The following HBP1 variants were observed in gnomAD, a reference collection of about 807,000 sequenced individuals.
The protein encoded by HBP1 is HMG-box transcription factor 1.
HBP1 carries 20 observed loss-of-function variants against 62.6 expected under a neutral mutation model. The observed-to-expected ratio is 0.32, with a 90% CI of 0.22 to 0.46. The LOEUF is 0.46. Among genes scored for constraint, HBP1 ranks in the 20% least tolerant of loss-of-function variants. The pLI is 1.00. For missense variants in HBP1, 480 were observed against 611.8 expected (o/e 0.78, Z 2.27); for synonymous variants, 232 against 206.2 (o/e 1.12, Z -1.07).
Position 107,196,093 on chromosome 7 carries a change from CT to C in HBP1, c.1332del (p.Phe444LeufsTer21). On this transcript the variant is annotated frameshift_variant, in exon 9 of 11. Coordinates refer to ENST00000222574, the MANE Select transcript of HBP1 (RefSeq NM_012257.4). LOFTEE classifies it high-confidence loss of function. The part of the protein sequence containing the change: ...KCKRPMNAFM[L>X]FAKKYRVEYT... ...CAAAAGACCAATGAATGCCTTCATG[CT>C]TTTTGCCAAAAAATACAGAGTTGAA... 6.2e-7 allele frequency: 1 copy of C among 1,612,686 alleles called. No homozygotes were observed. The highest frequency in any genetic ancestry group is 8.5e-7 in the Non-Finnish European group (1 of 1,178,724).
At chr7:107,193,280 T>A (rs936937594) in intron 8 of HBP1, 1 of 152,188 alleles carries the variant, frequency 6.6e-6, no homozygotes, top group Non-Finnish European at 1.5e-5. Context: ...ACCCTATTTG[T>A]AGATTATATC....
Position 107,201,409 on chromosome 7 carries a change from C to A in HBP1, c.1528-5C>A. The stretch of plus-strand genomic sequence containing the variant: ...CATTCACTGAGTTTAATTTTATTTC[C>A]ACAGGGCTCACAACAACATTAAACC... On this transcript the variant is annotated splice_region_variant and splice_polypyrimidine_tract_variant and intron_variant, in intron 10 of 10. Coordinates refer to ENST00000222574, the MANE Select transcript of HBP1 (RefSeq NM_012257.4). 1.3e-6 allele frequency: 2 copies of A among 1,565,356 alleles called. No individual in the cohort carries two copies. Among genetic ancestry groups the A allele is most frequent in the South Asian group, 2.2e-5 (2 of 89,418 alleles).
At chr7:107,186,154 T>TC (rs1797353589) in intron 4 of HBP1, among the ~76,000 whole-genome samples, 2 of 143,690 alleles carry the variant, frequency 1.4e-5, no homozygotes, top group African/African-American at 5.3e-5. Flanking sequence ...TGTCTTTTTT[T>TC]TCTTTTTTTT....
chr7:107,186,357 A>G lies in HBP1; in HGVS notation c.541-4A>G, dbSNP rs1232687518. The G allele has an allele frequency of 2.0e-6, 3 of 1,533,386 alleles. No individual in the cohort carries two copies. Among genetic ancestry groups the G allele is most frequent in the African/African-American group, 2.8e-5 (2 of 72,188 alleles). The allele number at this position is 1,533,386 out of a possible 1,614,324, so 95.0% of individuals were successfully genotyped here. Reference sequence around the variant, plus strand: ...AAAAAAGTTGATAATATTTTTCTCCATAGGCAAATAGTGAGTCAGAATCTG... The same window carrying G: ...AAAAAAGTTGATAATATTTTTCTCCGTAGGCAAATAGTGAGTCAGAATCTG... On this transcript the variant is annotated splice_polypyrimidine_tract_variant and splice_region_variant and intron_variant, in intron 4 of 10. Coordinates refer to ENST00000222574, the MANE Select transcript of HBP1 (RefSeq NM_012257.4).
rs963372066 is a variant in HBP1, at chr7:107,181,945, A to G, written c.170-428A>G. 2.6e-5 allele frequency among the ~76,000 whole-genome samples: 4 copies of G among 152,212 alleles called. No homozygotes were observed. The South Asian group carries it at 6.2e-4, about 24-fold the overall frequency. ...ACCAGTAAATATTAACAAGTTCAGA[A>G]TTTATTAGTAAAAAGAAATACTTTA... is the stretch of plus-strand genomic sequence containing the variant. On this transcript the variant is annotated intron_variant, in intron 2 of 10. Coordinates refer to ENST00000222574, the MANE Select transcript of HBP1 (RefSeq NM_012257.4).
chr7:107,185,563 G>C (rs747918149), intron 3 of HBP1, among the ~76,000 whole-genome samples: 12 of 152,154 alleles, frequency 7.9e-5, no homozygotes, highest in Non-Finnish European at 2.9e-5. Flanking sequence ...AACCATAGTC[G>C]TAGTTTAAAA....
rs964077893 is a variant in HBP1, at chr7:107,186,811, T to C, written c.765+130T>C. 7.0e-5 allele frequency: 44 copies of C among 629,722 alleles called. No individual in the cohort carries two copies. The African/African-American group carries it at 7.2e-4, about 10-fold the overall frequency. 39.0% of individuals were successfully genotyped at this position (629,722 alleles called of 1,614,324 possible). A position where few individuals can be genotyped will look rare whatever the true frequency, so the allele number is the denominator to read the frequency against. On this transcript the variant is annotated intron_variant, in intron 6 of 10. Coordinates refer to ENST00000222574, the MANE Select transcript of HBP1 (RefSeq NM_012257.4). ...CATCGTACATTTTAGGTAGAGCATTTTTATGACCACTCATTGCTTAGTCTG... is the reference window on the plus strand; with the variant it reads ...CATCGTACATTTTAGGTAGAGCATTCTTATGACCACTCATTGCTTAGTCTG...
chr7:107,186,793 C>T (rs768046596), intron 6 of HBP1, 112 bp downstream of exon 6: 8 of 666,118 alleles, frequency 1.2e-5, no homozygotes, highest in East Asian at 8.1e-5. Context: ...TGACATCGTA[C>T]ATTTTAGGTA....
chr7:107,175,547 A>G (rs773824885), intron 1 of HBP1, among the ~76,000 whole-genome samples: 1 of 151,500 alleles, frequency 6.6e-6, no homozygotes, highest in Non-Finnish European at 1.5e-5. Context: ...CTACCTTTCC[A>G]TATAGTAGTA....
intron 1 of HBP1, among the ~76,000 whole-genome samples, chr7:107,177,491 G>T (rs555219372): frequency 1.3e-5 from 2 of 152,304 alleles, no homozygotes; most frequent in African/African-American, 4.8e-5. Context: ...CAAGAACGCT[G>T]TATCTAGCAA....
rs1401180827 is a variant in HBP1, at chr7:107,169,009, G to T, written c.-192G>T. 4.7e-6 allele frequency: 6 copies of T among 1,289,014 alleles called. No individual in the cohort carries two copies. Among genetic ancestry groups the T allele is most frequent in the Non-Finnish European group, 5.1e-6 (5 of 988,530 alleles). 79.8% of individuals were successfully genotyped at this position (1,289,014 alleles called of 1,614,324 possible). On this transcript the variant is annotated 5_prime_UTR_variant, in exon 1 of 11. Transcript: ENST00000222574. ...GGGGAAGACGAAGCTTGAAAGACTTGGTAATGGCGACGGGTTTGGTAAGTA... is the reference window on the plus strand; with the variant it reads ...GGGGAAGACGAAGCTTGAAAGACTTTGTAATGGCGACGGGTTTGGTAAGTA...
Position 107,200,305 on chromosome 7 carries a change from T to C in HBP1, c.1527+4T>C. 4 of 1,609,426 alleles carry C rather than the reference T, an allele frequency of 2.5e-6. No homozygotes were observed. Among genetic ancestry groups the C allele is most frequent in the Middle Eastern group, 1.7e-4 (1 of 6,042 alleles). ...GAAGAGGAAAAGAACCAATTCAGTA[T>C]GTTTCAATAAATAGTGTTTAAAATT... On this transcript the variant is annotated splice_donor_region_variant and intron_variant, in intron 10 of 10. Transcript: ENST00000222574.
chr7:107,185,213 C>T (rs1797295233), intron 3 of HBP1, among the ~76,000 whole-genome samples: 1 of 151,916 alleles, frequency 6.6e-6, no homozygotes, highest in South Asian at 2.1e-4. Context: ...ATAACTAGAC[C>T]TTATATGTAG....
chr7:107,182,863 T>G (rs1346517641), intron 3 of HBP1, among the ~76,000 whole-genome samples: 1 of 152,142 alleles, frequency 6.6e-6, no homozygotes, highest in Non-Finnish European at 1.5e-5. Flanking sequence ...CATGAAATAC[T>G]TTTACTATAC....
At chr7:107,181,966 C>CT (rs933431005) in intron 2 of HBP1, among the ~76,000 whole-genome samples, 2 of 151,930 alleles carry the variant, frequency 1.3e-5, no homozygotes, top group Non-Finnish European at 2.9e-5. Context: ...AAAAGAAATA[C>CT]TTTAACACAG....
At chr7:107,177,724 T>C (rs767882010) in intron 1 of HBP1, among the ~76,000 whole-genome samples, 2 of 152,186 alleles carry the variant, frequency 1.3e-5, no homozygotes, top group Admixed American at 1.3e-4. Flanking sequence ...AACTATAATA[T>C]GAAATATGAA....
intron 3 of HBP1, among the ~76,000 whole-genome samples, chr7:107,184,685 T>G (rs989750299): frequency 1.3e-5 from 2 of 152,122 alleles, no homozygotes; most frequent in African/African-American, 4.8e-5. Flanking sequence ...TGGTTTTTTG[T>G]ATTTTAAGTA....
At chr7:107,187,050 C>T (rs1254255631) in intron 6 of HBP1, among the ~76,000 whole-genome samples, 1 of 151,876 alleles carries the variant, frequency 6.6e-6, no homozygotes, top group African/African-American at 2.4e-5. Flanking sequence ...CAGGAGATCG[C>T]GACCATCCTG....
In HBP1 at chr7:107,186,575, G is replaced by A. The variant is rs746761056; in HGVS notation, c.659G>A (p.Arg220Gln). 8.1e-6 allele frequency: 13 copies of A among 1,608,720 alleles called. No individual in the cohort carries two copies. The African/African-American group carries it at 9.4e-5, about 12-fold the overall frequency. ...TTTTCTACCTAAACCTTAGGCACAC[G>A]ACTGTGCTTTCATAAGGGAAGCAAT... ...TVWHCFLKGT[R>Q]LCFHKGSNKE... Residue 220 changes from arginine (R) to glutamine (Q), a missense_variant, in exon 6 of 11, where the codon CGA becomes CAA. By Grantham distance (43) the Arg-to-Gln change is conservative (BLOSUM62 1). Coordinates refer to ENST00000222574, the MANE Select transcript of HBP1 (RefSeq NM_012257.4).
Sources: allele counts gnomAD v4.1 joint callset (sites outside exome capture counted in the v4.1 genomes callset), GRCh38; gene constraint gnomAD v4.1.1; transcripts MANE v1.5; gene names NCBI Gene and HGNC (gene_info 2026-07-23, HGNC 2026-07-21).